The following PARP8 variants were observed in gnomAD, a reference collection of about 807,000 sequenced individuals.
PARP8 encodes protein mono-ADP-ribosyltransferase PARP8.
PARP8 carries 51 observed loss-of-function variants against 124.1 expected under a neutral mutation model. The ratio of observed to expected loss-of-function variants is 0.41; its 90% CI spans 0.33 to 0.52. The LOEUF is 0.52. PARP8 is among the 20% of genes least tolerant of loss of function. The pLI is 0.21. For synonymous variants in PARP8, 391 were observed against 361.5 expected (o/e 1.08, Z -0.93); for missense variants, 860 against 1,018.9 (o/e 0.84, Z 2.12).
intron 2 of PARP8, among the ~76,000 whole-genome samples, chr5:50,703,585 G>T (rs752844484): frequency 6.6e-6 from 1 of 151,972 alleles, no homozygotes; most frequent in Admixed American, 6.6e-5. Context: ...CTCTATTCTC[G>T]CTTGGGAGAA....
chr5:50,780,921 T>A (rs1740594574), intron 9 of PARP8, among the ~76,000 whole-genome samples: 2 of 8,906 alleles, frequency 2.2e-4, no homozygotes, highest in Non-Finnish European at 3.9e-4. Context: ...TGTTGTGTAC[T>A]TTTTGGACTG....
chr5:50,699,216 G>A (rs1753339306), intron 2 of PARP8, among the ~76,000 whole-genome samples: 1 of 152,142 alleles, frequency 6.6e-6, no homozygotes, highest in Non-Finnish European at 1.5e-5. Context: ...GTAAGTGTGT[G>A]TTAAATGACT....
intron 7 of PARP8, among the ~76,000 whole-genome samples, chr5:50,775,121 C>T (rs1230791040): frequency 6.6e-6 from 1 of 152,040 alleles, no homozygotes; most frequent in East Asian, 1.9e-4. Context: ...CGATGGGCGG[C>T]CAGGCAGAGA....
intron 15 of PARP8, among the ~76,000 whole-genome samples, chr5:50,820,880 C>T (rs1434647046): frequency 6.6e-6 from 1 of 152,160 alleles, no homozygotes; most frequent in African/African-American, 2.4e-5. Context: ...TATTGTGTAT[C>T]TTCTCCCCTA....
intron 2 of PARP8, among the ~76,000 whole-genome samples, chr5:50,693,639 ACATT>A (rs1437062847): frequency 6.6e-6 from 1 of 151,604 alleles, no homozygotes; most frequent in Non-Finnish European, 1.5e-5. Context: ...TCTATTACAT[ACATT>A]AATTATATAA....
chr5:50,750,258 T>C (rs916368428), intron 3 of PARP8, 70 bp downstream of exon 3: 6 of 1,263,204 alleles, frequency 4.7e-6, no homozygotes, highest in Non-Finnish European at 6.9e-6. Flanking sequence ...CTTCTGGAGA[T>C]GTAAAACGCA....
At chr5:50,718,589 G>A (rs1286252126) in intron 2 of PARP8, among the ~76,000 whole-genome samples, 2 of 151,632 alleles carry the variant, frequency 1.3e-5, no homozygotes, top group African/African-American at 4.8e-5. Flanking sequence ...TCTGTGACTG[G>A]CTTATTTTAC....
intron 7 of PARP8, among the ~76,000 whole-genome samples, chr5:50,770,738 A>G (rs1349466035): frequency 6.6e-6 from 1 of 152,082 alleles, no homozygotes; most frequent in African/African-American, 2.4e-5. Context: ...GGAAAGAAAG[A>G]GAAAGAAAAG....
At chr5:50,706,205 T>G (rs1754132900) in intron 2 of PARP8, among the ~76,000 whole-genome samples, 1 of 152,188 alleles carries the variant, frequency 6.6e-6, no homozygotes, top group Admixed American at 6.5e-5. Context: ...TTGTACCTAC[T>G]GATTATTAGT....
rs1349134822 is a variant in PARP8, at chr5:50,668,030, T to A, written c.92-41T>A. ...AAGTCCTGATCGGGGTTAAAACAAA[T>A]CCACTCCAGGGGTAGCTTTTGACGG... On this transcript the variant is annotated intron_variant, in intron 1 of 25. Coordinates refer to ENST00000281631, the MANE Select transcript of PARP8 (RefSeq NM_024615.4). 5 of 1,611,564 alleles carry A rather than the reference T, an allele frequency of 3.1e-6. No individual in the cohort carries two copies. In the Admixed American group the frequency reaches 8.3e-5, roughly 27 times the overall value.
intron 2 of PARP8, among the ~76,000 whole-genome samples, chr5:50,718,236 G>A (rs1199476094): frequency 1.3e-5 from 2 of 151,842 alleles, no homozygotes; most frequent in Non-Finnish European, 2.9e-5. Context: ...TCATATTCTG[G>A]GAGTTTGACA....
At chr5:50,684,131 A>G (rs560284417) in intron 2 of PARP8, among the ~76,000 whole-genome samples, 41 of 152,338 alleles carry the variant, frequency 2.7e-4, no homozygotes, top group Non-Finnish European at 5.7e-4. Flanking sequence ...GCCTGAAAAT[A>G]TTAATCTTTC....
At chr5:50,776,065 TCTATAG>T (rs926426208) in intron 7 of PARP8, among the ~76,000 whole-genome samples, 1 of 152,252 alleles carries the variant, frequency 6.6e-6, no homozygotes, top group African/African-American at 2.4e-5. Context: ...TTATGTTCCT[TCTATAG>T]CTAATTTGTT....
intron 2 of PARP8, among the ~76,000 whole-genome samples, chr5:50,712,865 C>A (rs1194905240): frequency 6.7e-6 from 1 of 149,570 alleles, no homozygotes. Flanking sequence ...AGTTTTGTTG[C>A]TAACATTAGG....
At chr5:50,709,790 A>G (rs940055564) in intron 2 of PARP8, among the ~76,000 whole-genome samples, 1 of 151,498 alleles carries the variant, frequency 6.6e-6, no homozygotes, top group African/African-American at 2.4e-5. Context: ...AGGAACCAAA[A>G]GAGAGATAAA....
intron 15 of PARP8, among the ~76,000 whole-genome samples, chr5:50,817,097 T>G (rs577967739): frequency 4.4e-4 from 67 of 152,262 alleles, no homozygotes; most frequent in Non-Finnish European, 7.5e-4. Context: ...AAAAAGAAAT[T>G]AAAGGCTAGT....
At chr5:50,775,807 G>C (rs1739944737) in intron 7 of PARP8, among the ~76,000 whole-genome samples, 1 of 152,066 alleles carries the variant, frequency 6.6e-6, no homozygotes, top group Non-Finnish European at 1.5e-5. Context: ...GGAGCCTTTA[G>C]AGTTTTTTAT....
intron 25 of PARP8, among the ~76,000 whole-genome samples, chr5:50,840,228 C>G (rs1024948141): frequency 6.6e-6 from 1 of 151,904 alleles, no homozygotes; most frequent in Non-Finnish European, 1.5e-5. Flanking sequence ...CGATTCAATT[C>G]TATCTTAATC....
At chr5:50,769,583 A>AT (rs907989099) in intron 7 of PARP8, among the ~76,000 whole-genome samples, 9 of 151,872 alleles carry the variant, frequency 5.9e-5, no homozygotes, top group South Asian at 4.2e-4. Context: ...ATGCACATAG[A>AT]TTTTTTTTAT....
Sources: allele counts gnomAD v4.1 joint callset (sites outside exome capture counted in the v4.1 genomes callset), GRCh38; gene constraint gnomAD v4.1.1; transcripts MANE v1.5; gene names NCBI Gene and HGNC (gene_info 2026-07-23, HGNC 2026-07-21).